Variants in RBM25 observed in about 807,000 individuals in gnomAD.
The protein encoded by RBM25 is RNA-binding protein 25.
RBM25 carries 19 observed loss-of-function variants against 120.7 expected under a neutral mutation model. The ratio of observed to expected loss-of-function variants is 0.16; its 90% confidence interval spans 0.11 to 0.23. The LOEUF is 0.23. Ranked by LOEUF, RBM25 falls within the 10% of genes least tolerant of loss-of-function variation. The pLI is 1.00. For synonymous variants in RBM25, 390 were observed against 326.7 expected (o/e 1.19, Z -2.09); for missense variants, 605 against 1,041.5 (o/e 0.58, Z 5.77).
intron 5 of RBM25, 40 bp downstream of exon 5, chr14:73,083,591 C>A: frequency 6.9e-7 from 1 of 1,440,060 alleles, no homozygotes; most frequent in Non-Finnish European, 9.4e-7. Context: ...ATCACTTTAA[C>A]TAACCTGTGT....
intron 18 of RBM25, 21 bp from the exon 19 acceptor site, chr14:73,119,692 G>C: frequency 6.2e-7 from 1 of 1,609,824 alleles, no homozygotes; most frequent in Non-Finnish European, 8.5e-7. Context: ...TACATGTGTT[G>C]CTGTTTTGTT....
chr14:73,086,494 T>C (rs1477003085), intron 5 of RBM25, among the ~76,000 whole-genome samples: 2 of 151,864 alleles, frequency 1.3e-5, no homozygotes, highest in South Asian at 2.1e-4. Context: ...TTCCAGTGTA[T>C]ACTAATTCAG....
Position 73,106,848 on chromosome 14 carries a change from T to C in RBM25, c.1467+563T>C, listed in dbSNP as rs531921193. 1.4e-4 allele frequency among the ~76,000 whole-genome samples: 22 copies of C among 151,866 alleles called. No homozygotes were observed. In the East Asian group the frequency reaches 3.9e-3, roughly 27 times the overall value. ...ACATATATATGTATATACTTTTTTT[T>C]TTTTTTTGTGGAGACGGAGTGTTGC... On this transcript the variant is annotated intron_variant, in intron 12 of 18. Transcript: ENST00000261973.
chr14:73,104,674 G>C (rs1463378296), intron 10 of RBM25, among the ~76,000 whole-genome samples: 1 of 151,992 alleles, frequency 6.6e-6, no homozygotes, highest in Non-Finnish European at 1.5e-5. Flanking sequence ...GCCTTATATT[G>C]AATTATTTTG....
intron 7 of RBM25, among the ~76,000 whole-genome samples, chr14:73,097,523 C>G (rs1367754527): frequency 6.6e-6 from 1 of 152,024 alleles, no homozygotes; most frequent in Non-Finnish European, 1.5e-5. Flanking sequence ...TTTACAGAGA[C>G]AAGGTCTCAC....
At chr14:73,093,948 G>T (rs12434633) in intron 6 of RBM25, among the ~76,000 whole-genome samples, 11,466 of 121,834 alleles carry the variant, frequency 0.094, 546 homozygotes, top group South Asian at 0.22. Flanking sequence ...ATCAGGTTTT[G>T]TTTTTTTTTT....
In RBM25 at chr14:73,120,936, G is replaced by T. The variant is rs1896529935; in HGVS notation, c.*1131G>T. The T allele has an allele frequency of 6.6e-6, 1 of 152,138 alleles. No homozygotes were observed. The highest frequency in any genetic ancestry group is 1.5e-5 in the Non-Finnish European group (1 of 68,004). The allele number at this position is 152,138 out of a possible 1,614,324, so 9.4% of individuals were successfully genotyped here. On this transcript the variant is annotated 3_prime_UTR_variant, in exon 19 of 19. Coordinates refer to ENST00000261973, the MANE Select transcript of RBM25 (RefSeq NM_021239.3). ...AACTATTTGTTTTCATTTTTGTCTT[G>T]TAGAAGGTTTATATCTTGTTTTACC...
At chr14:73,105,260 A>ACCATGCCT (rs1295552996) in intron 10 of RBM25, among the ~76,000 whole-genome samples, 1 of 151,444 alleles carries the variant, frequency 6.6e-6, no homozygotes, top group Non-Finnish European at 1.5e-5. Context: ...GGCACGTGCC[A>ACCATGCCT]CCATGCCTCC....
intron 1 of RBM25, among the ~76,000 whole-genome samples, chr14:73,071,217 G>A (rs1352970123): frequency 7.2e-6 from 1 of 139,476 alleles, no homozygotes; most frequent in Non-Finnish European, 1.5e-5. Flanking sequence ...ACTCTAGCCT[G>A]TCCACAGAGT....
Position 73,079,150 on chromosome 14 carries a change from C to T in RBM25, c.324+1614C>T, listed in dbSNP as rs565922818. Among the ~76,000 whole-genome samples, 17 of 149,828 alleles carry T rather than the reference C, an allele frequency of 1.1e-4. No homozygotes were observed. The South Asian group carries it at 2.7e-3, about 24-fold the overall frequency. On this transcript the variant is annotated intron_variant, in intron 4 of 18. Transcript: ENST00000261973. Reference sequence around the variant, plus strand: ...TTGTATAATAAAATAAGGCCAGGTGCGGTGTCTCACACCTGTAATCCCGGC... The same window carrying T: ...TTGTATAATAAAATAAGGCCAGGTGTGGTGTCTCACACCTGTAATCCCGGC...
intron 17 of RBM25, among the ~76,000 whole-genome samples, chr14:73,112,816 T>C (rs1896341069): frequency 6.6e-6 from 1 of 152,084 alleles, no homozygotes; most frequent in Admixed American, 6.6e-5. Context: ...TTTTGTTTTT[T>C]CTTTTGAGTC....
At chr14:73,109,230 A>T in intron 13 of RBM25, 112 bp from the exon 14 acceptor site, 1 of 1,141,202 alleles carries the variant, frequency 8.8e-7, no homozygotes, top group Non-Finnish European at 1.3e-6. Context: ...GACATTCTTT[A>T]ACCTCTTAGC....
intron 1 of RBM25, among the ~76,000 whole-genome samples, chr14:73,069,682 C>T (rs1895227168): frequency 6.9e-6 from 1 of 144,966 alleles, no homozygotes; most frequent in Non-Finnish European, 1.5e-5. Context: ...ATGTGTCCGC[C>T]TCGGCCTCCC....
intron 10 of RBM25, among the ~76,000 whole-genome samples, chr14:73,103,944 TCTCTCACA>T (rs1566597446): frequency 2.4e-3 from 101 of 42,366 alleles, no homozygotes; most frequent in Admixed American, 0.012. Context: ...TCTCTCTCTC[TCTCTCACA>T]CACACACACA....
At chr14:73,087,920 T>C (rs907794400) in intron 5 of RBM25, 81 bp from the exon 6 acceptor site, 19 of 1,377,282 alleles carry the variant, frequency 1.4e-5, no homozygotes, top group Non-Finnish European at 1.8e-5. Context: ...ACATTTGGAC[T>C]CTAGTGATTC....
chr14:73,086,581 C>A (rs777032091), intron 5 of RBM25, among the ~76,000 whole-genome samples: 2 of 152,126 alleles, frequency 1.3e-5, no homozygotes, highest in African/African-American at 2.4e-5. Flanking sequence ...CTGAGGTCCC[C>A]GAGTTTCAAG....
rs3025764 is a variant in RBM25, at chr14:73,097,835, T to G, written c.729+735T>G. Reference sequence around the variant, plus strand: ...TGAAAGAGCAGTACAACTTGAAACATTCCTCCTCAGTGAATTGATTGCTAC... The same window carrying G: ...TGAAAGAGCAGTACAACTTGAAACAGTCCTCCTCAGTGAATTGATTGCTAC... On this transcript the variant is annotated intron_variant, in intron 7 of 18. Coordinates refer to ENST00000261973, the MANE Select transcript of RBM25 (RefSeq NM_021239.3). Among the ~76,000 whole-genome samples the G allele has an allele frequency of 3.6e-4, 55 of 152,330 alleles. No homozygotes were observed. In the East Asian group the frequency reaches 0.011, roughly 29 times the overall value.
intron 1 of RBM25, among the ~76,000 whole-genome samples, chr14:73,064,626 C>G (rs1042136874): frequency 1.3e-5 from 2 of 151,180 alleles, no homozygotes; most frequent in Admixed American, 6.6e-5. Flanking sequence ...AACTCCTGAC[C>G]TTGTGATCCG....
In RBM25 at chr14:73,074,359, A is replaced by G. The variant is rs543960606; in HGVS notation, c.107-1960A>G. On this transcript the variant is annotated intron_variant, in intron 2 of 18. Transcript: ENST00000261973. ...CTCAGCCTACTGAGTAGCTGAGACT[A>G]TAGATGTGTGCCACCATGACTGACT... 3.2e-4 allele frequency among the ~76,000 whole-genome samples: 48 copies of G among 152,278 alleles called. 1 individual carries two copies. In the South Asian group the frequency reaches 9.6e-3, roughly 30 times the overall value.
Sources: allele counts gnomAD v4.1 joint callset (sites outside exome capture counted in the v4.1 genomes callset), GRCh38; gene constraint gnomAD v4.1.1; transcripts MANE v1.5; gene names NCBI Gene and HGNC (gene_info 2026-07-23, HGNC 2026-07-21).